Variants in KAZN observed in about 807,000 individuals in gnomAD.
KAZN encodes kazrin.
In KAZN, 40 loss-of-function variants were observed where a neutral mutation model predicts 87.4. That is an observed-to-expected ratio of 0.46 (90% CI 0.36 to 0.60). The LOEUF (loss-of-function observed/expected upper bound fraction) is 0.60. KAZN is among the 20% of genes least tolerant of loss of function. The pLI is 0.00. For missense variants in KAZN, 898 were observed against 1,073.9 expected, an observed-to-expected ratio of 0.84 and a Z score of 2.29; for synonymous variants, 466 against 458.3, an observed-to-expected ratio of 1.02 and a Z score of -0.22.
intron 2 of KAZN, among the ~76,000 whole-genome samples, chr1:14,305,461 A>AG (rs745506719): frequency 3.3e-5 from 5 of 152,158 alleles, no homozygotes; most frequent in Admixed American, 6.5e-5. Context: ...TGGAAAAAAA[A>AG]CAAGCAAATA....
In KAZN at chr1:14,960,715, G is replaced by A. The variant is rs772502957; in HGVS notation, c.258G>A (p.Gln86=). Reference sequence around the variant, plus strand: ...TGCGGGAAGAAGTGTCGCGGCTCCAGGAGGAAGTTCACCTTCTCCGGCAGA... The same window carrying A: ...TGCGGGAAGAAGTGTCGCGGCTCCAAGAGGAAGTTCACCTTCTCCGGCAGA... The part of the protein sequence containing the change: ...VLLREEVSRL[Q]EEVHLLRQMK... The change falls in exon 2 of 15, where the codon CAG becomes CAA. Residue 86 remains glutamine, a synonymous_variant. Coordinates refer to ENST00000376030, the MANE Select transcript of KAZN (RefSeq NM_201628.3). 5 of 1,580,398 alleles carry A rather than the reference G, an allele frequency of 3.2e-6. No individual in the cohort carries two copies. The highest frequency in any genetic ancestry group is 3.4e-6 in the Non-Finnish European group (4 of 1,162,062).
chr1:14,801,785 G>T (rs1646036512), intron 1 of KAZN, among the ~76,000 whole-genome samples: 1 of 151,470 alleles, frequency 6.6e-6, no homozygotes, highest in African/African-American at 2.4e-5. Context: ...CCGGGTTCAT[G>T]CCATTCTCCT....
intron 2 of KAZN, among the ~76,000 whole-genome samples, chr1:14,307,244 G>T (rs955026302): frequency 6.6e-6 from 1 of 152,086 alleles, no homozygotes; most frequent in Non-Finnish European, 1.5e-5. Flanking sequence ...AGTCCACTCT[G>T]CCTTGGGCAT....
At chr1:14,987,818 G>A (rs945598339) in intron 2 of KAZN, among the ~76,000 whole-genome samples, 4 of 152,242 alleles carry the variant, frequency 2.6e-5, no homozygotes, top group African/African-American at 4.8e-5. Flanking sequence ...CTGCTGCATT[G>A]AGAATAGATC....
intron 2 of KAZN, among the ~76,000 whole-genome samples, chr1:14,181,521 C>T (rs752083289): frequency 3.9e-5 from 6 of 152,176 alleles, no homozygotes; most frequent in Admixed American, 2.0e-4. Flanking sequence ...TGTACCAATA[C>T]GGCTTTAACT....
chr1:14,584,213 CA>C (rs1391456122), intron 2 of KAZN, among the ~76,000 whole-genome samples: 1 of 152,236 alleles, frequency 6.6e-6, no homozygotes, highest in Non-Finnish European at 1.5e-5. Flanking sequence ...CCTGGTCAAT[CA>C]AAGGAGCATG....
intron 1 of KAZN, among the ~76,000 whole-genome samples, chr1:13,954,925 TATAAA>T (rs1641486445): frequency 6.6e-6 from 1 of 152,226 alleles, no homozygotes; most frequent in African/African-American, 2.4e-5. Flanking sequence ...ATGCTAGAAG[TATAAA>T]TTGTGTAAAG....
At chr1:14,240,063 A>G (rs1451672540) in intron 2 of KAZN, among the ~76,000 whole-genome samples, 1 of 152,184 alleles carries the variant, frequency 6.6e-6, no homozygotes, top group Non-Finnish European at 1.5e-5. Context: ...TCTATTTGCT[A>G]TCCTTTGTCT....
chr1:14,596,035 G>A (rs184890505), upstream of KAZN, among the ~76,000 whole-genome samples: 70 of 152,058 alleles, frequency 4.6e-4, no homozygotes, highest in Admixed American at 9.8e-4. Context: ...TGAAGATTCC[G>A]GTGTGTGGGA....
At chr1:14,073,752 G>C (rs1012733316) in intron 1 of KAZN, among the ~76,000 whole-genome samples, 3 of 152,172 alleles carry the variant, frequency 2.0e-5, no homozygotes, top group Non-Finnish European at 4.4e-5. Context: ...TGGCTGAATA[G>C]TATTCCATGG....
rs747054544 is a variant in KAZN at position 14,634,432 on chromosome 1, A to T, written c.226+35209A>T. On this transcript the variant is annotated intron_variant, in intron 1 of 14. Coordinates refer to ENST00000376030, the MANE Select transcript of KAZN (RefSeq NM_201628.3). Reference sequence around the variant, plus strand: ...TACGTTAGCAGGAGGTTGTGTAAATATCCAGTTATTTACACATACCTAGCT... The same window carrying T: ...TACGTTAGCAGGAGGTTGTGTAAATTTCCAGTTATTTACACATACCTAGCT... Among the ~76,000 whole-genome samples, 35 of 152,380 alleles carry T rather than the reference A, an allele frequency of 2.3e-4. 1 individual carries two copies. Among genetic ancestry groups the T allele is most frequent in the Non-Finnish European group, 1.2e-4 (8 of 68,034 alleles).
intron 2 of KAZN, among the ~76,000 whole-genome samples, chr1:14,507,975 A>AAAT (rs200528665): frequency 0.017 from 1,620 of 95,266 alleles, 17 homozygotes; most frequent in Middle Eastern, 0.057. Flanking sequence ...TCCAAAAAAT[A>AAAT]AATAAAAAAA....
intron 2 of KAZN, among the ~76,000 whole-genome samples, chr1:15,015,784 C>T (rs998918127): frequency 2.0e-5 from 3 of 152,134 alleles, no homozygotes; most frequent in Admixed American, 1.3e-4. Flanking sequence ...CCCATTGCCT[C>T]GTCTTTGCTG....
At chr1:13,933,906 T>G (rs1640623961) in intron 1 of KAZN, among the ~76,000 whole-genome samples, 1 of 152,176 alleles carries the variant, frequency 6.6e-6, no homozygotes, top group African/African-American at 2.4e-5. Context: ...CTTATTACTT[T>G]TTGGAAATGA....
intron 2 of KAZN, among the ~76,000 whole-genome samples, chr1:14,413,201 G>C (rs975996064): frequency 4.0e-5 from 6 of 151,518 alleles, no homozygotes; most frequent in African/African-American, 1.2e-4. Flanking sequence ...GTGAGAAAAA[G>C]ATGGACTGAC....
chr1:14,256,729 C>A (rs778475763), intron 2 of KAZN, among the ~76,000 whole-genome samples: 5 of 152,094 alleles, frequency 3.3e-5, no homozygotes, highest in Non-Finnish European at 7.4e-5. Flanking sequence ...CAGCATTTCA[C>A]CCTAAAGAAT....
rs556405124 is a variant in KAZN, at chr1:14,251,618, A to G, written c.249+71026A>G. On this transcript the variant is annotated intron_variant, in intron 2 of 16. Coordinates refer to the KAZN transcript ENST00000636203. ...CACTGGGGTAGGTCCAGAAAAATCC[A>G]GGCACAGTGAAAAGTTCTCCCGGAC... 2.2e-4 allele frequency among the ~76,000 whole-genome samples: 32 copies of G among 145,692 alleles called. 2 individuals carry two copies. The South Asian group carries it at 7.0e-3, about 32-fold the overall frequency.
intron 8 of KAZN, among the ~76,000 whole-genome samples, chr1:15,071,413 G>T (rs1020517944): frequency 2.6e-5 from 4 of 151,880 alleles, no homozygotes; most frequent in African/African-American, 9.7e-5. Flanking sequence ...CACCACACCC[G>T]GCTACTTTTT....
intron 1 of KAZN, among the ~76,000 whole-genome samples, chr1:14,692,769 C>A (rs550384873): frequency 6.6e-6 from 1 of 152,252 alleles, no homozygotes; most frequent in East Asian, 1.9e-4. Flanking sequence ...CCTGTTTCTA[C>A]TAAAAGTACA....
Sources: gnomAD v4.1 joint callset for allele counts (sites outside exome capture counted in the v4.1 genomes callset) on GRCh38, gnomAD v4.1.1 for gene constraint, MANE v1.5 for transcripts, NCBI Gene and HGNC (gene_info 2026-07-23, HGNC 2026-07-21) for gene names.